Variants in SCHIP1 observed in about 807,000 individuals in gnomAD.
SCHIP1 encodes the protein schwannomin-interacting protein 1.
A neutral mutation model predicts 29.7 loss-of-function variants in SCHIP1; 8 were observed. That is an observed-to-expected ratio of 0.27 (90% confidence interval 0.16 to 0.49). The LOEUF is 0.49. Among genes scored for constraint, SCHIP1 ranks in the 20% least tolerant of loss-of-function variants. The pLI, the probability that SCHIP1 is intolerant of heterozygous loss-of-function variation, is 0.99. For synonymous variants in SCHIP1, 76 were observed against 94.9 expected (o/e 0.80, Z 1.16); for missense variants, 193 against 294.6 (o/e 0.66, Z 2.52).
At chr3:159,530,608 T>C in the SCHIP1 span, among the ~76,000 whole-genome samples, 15 of 152,196 alleles carry the variant, frequency 9.9e-5, no homozygotes, top group Non-Finnish European at 2.9e-5. Flanking sequence ...GATTTGCTCT[T>C]GGATTTCACT....
the SCHIP1 span, among the ~76,000 whole-genome samples, chr3:159,705,805 C>G: frequency 6.6e-6 from 1 of 152,168 alleles, no homozygotes; most frequent in African/African-American, 2.4e-5. Context: ...CTCCCGGGTT[C>G]AAGCAATTCT....
At chr3:159,830,346 G>T in the SCHIP1 span, among the ~76,000 whole-genome samples, 1 of 152,030 alleles carries the variant, frequency 6.6e-6, no homozygotes, top group Non-Finnish European at 1.5e-5. Context: ...TTGCATGTTG[G>T]TTTTCATATT....
At chr3:159,780,843 A>T in the SCHIP1 span, among the ~76,000 whole-genome samples, 1 of 152,212 alleles carries the variant, frequency 6.6e-6, no homozygotes, top group Non-Finnish European at 1.5e-5. Flanking sequence ...TAATACCAAG[A>T]TTCAGACACT....
At chr3:159,813,146 GAGGGAGCTGAC>G in the SCHIP1 span, among the ~76,000 whole-genome samples, 1 of 152,168 alleles carries the variant, frequency 6.6e-6, no homozygotes, top group Non-Finnish European at 1.5e-5. Context: ...ATGAGTTTTG[GAGGGAGCTGAC>G]CATATTCAAA....
At chr3:159,639,122 A>G in the SCHIP1 span, among the ~76,000 whole-genome samples, 19 of 152,270 alleles carry the variant, frequency 1.2e-4, no homozygotes, top group African/African-American at 4.3e-4. Context: ...AGAGGCAGTC[A>G]GTTTTGCCTT....
At chr3:159,329,431 C>T in the SCHIP1 span, among the ~76,000 whole-genome samples, 1 of 152,134 alleles carries the variant, frequency 6.6e-6, no homozygotes, top group African/African-American at 2.4e-5. Context: ...CCGGTGTGGT[C>T]ATGAAGTAGC....
chr3:159,572,528 T>C, the SCHIP1 span, among the ~76,000 whole-genome samples: 1 of 152,358 alleles, frequency 6.6e-6, no homozygotes, highest in Admixed American at 6.5e-5. Flanking sequence ...AGGAATGCTT[T>C]ACTTCCTATT....
At chr3:159,490,127 G>A in the SCHIP1 span, among the ~76,000 whole-genome samples, 35,973 of 152,090 alleles carry the variant, frequency 0.24, 5,207 homozygotes, top group East Asian at 0.4. Context: ...TTTTACAAAT[G>A]TATAAAGTAC....
chr3:159,711,360 CAAAAAAAAAAAAAAAAAAAAAAAA>C, the SCHIP1 span, among the ~76,000 whole-genome samples: 2 of 6,752 alleles, frequency 3.0e-4, 1 homozygote. Context: ...GACTCCGTCT[CAAAAAAAAAAAAAAAAAAAAAAAA>C]AAAAAAAAAA....
chr3:159,704,007 G>A, the SCHIP1 span, among the ~76,000 whole-genome samples: 1 of 152,156 alleles, frequency 6.6e-6, no homozygotes, highest in Admixed American at 6.5e-5. Flanking sequence ...ACTCTTTAAA[G>A]TAATTATTGT....
At chr3:159,498,382 G>T in the SCHIP1 span, among the ~76,000 whole-genome samples, 1 of 152,166 alleles carries the variant, frequency 6.6e-6, no homozygotes, top group African/African-American at 2.4e-5. Flanking sequence ...AGAGAAAATT[G>T]CTCTGGGTTA....
At chr3:159,512,393 C>T in the SCHIP1 span, among the ~76,000 whole-genome samples, 1 of 152,106 alleles carries the variant, frequency 6.6e-6, no homozygotes, top group African/African-American at 2.4e-5. Flanking sequence ...CAGTAAAAAG[C>T]AAACTTCTTA....
chr3:159,540,524 T>C, the SCHIP1 span, among the ~76,000 whole-genome samples: 2 of 152,206 alleles, frequency 1.3e-5, no homozygotes, highest in African/African-American at 4.8e-5. Flanking sequence ...ACTTTTTAAA[T>C]TATCTATCTT....
chr3:159,655,547 C>T, the SCHIP1 span, among the ~76,000 whole-genome samples: 259 of 152,162 alleles, frequency 1.7e-3, no homozygotes, highest in Non-Finnish European at 3.2e-3. Flanking sequence ...GAATCAGAAG[C>T]TGGAGATAGG....
chr3:159,681,029 C>A, the SCHIP1 span, among the ~76,000 whole-genome samples: 1 of 151,836 alleles, frequency 6.6e-6, no homozygotes, highest in Non-Finnish European at 1.5e-5. Context: ...AAGAAGGCAG[C>A]AGAATATTGT....
At chr3:159,527,441 T>A in the SCHIP1 span, among the ~76,000 whole-genome samples, 6 of 152,176 alleles carry the variant, frequency 3.9e-5, no homozygotes, top group African/African-American at 1.4e-4. Flanking sequence ...GCAGAGAAGA[T>A]CTCTGCGCCA....
At chr3:159,562,112 T>C in the SCHIP1 span, among the ~76,000 whole-genome samples, 1 of 152,202 alleles carries the variant, frequency 6.6e-6, no homozygotes, top group South Asian at 2.1e-4. Flanking sequence ...GCAGGCTTTG[T>C]AATTCCTAGT....
chr3:159,521,784 A>T, the SCHIP1 span, among the ~76,000 whole-genome samples: 1 of 152,252 alleles, frequency 6.6e-6, no homozygotes, highest in African/African-American at 2.4e-5. Context: ...CATTATAAAG[A>T]TATTTTACCA....
the SCHIP1 span, among the ~76,000 whole-genome samples, chr3:159,431,760 G>A: frequency 6.7e-6 from 1 of 149,262 alleles, no homozygotes; most frequent in Non-Finnish European, 1.5e-5. Context: ...AATGAGCTGA[G>A]ATCGGGCCAC....
Sources: gnomAD v4.1 joint callset for allele counts (sites outside exome capture counted in the v4.1 genomes callset) on GRCh38, gnomAD v4.1.1 for gene constraint, MANE v1.5 for transcripts, NCBI Gene and HGNC (gene_info 2026-07-23, HGNC 2026-07-21) for gene names.